HMGB1: variants seen among roughly 807,000 people sequenced by gnomAD.
HMGB1 encodes the protein high mobility group protein B1.
For missense variants in HMGB1, 79 were observed against 253.5 expected, an observed-to-expected ratio of 0.31 and a Z score of 4.67; for synonymous variants, 81 against 84.0, an observed-to-expected ratio of 0.96 and a Z score of 0.19.
chr13:30,538,464 TTC>T (rs1491215259), intron 1 of HMGB1, among the ~76,000 whole-genome samples: 2 of 65,764 alleles, frequency 3.0e-5, no homozygotes, highest in Non-Finnish European at 5.8e-5. Flanking sequence ...CTTTCTTTCT[TTC>T]TTTCTTTCTT....
chr13:30,499,181 G>A (rs1469927215), intron 1 of HMGB1, among the ~76,000 whole-genome samples: 1 of 152,086 alleles, frequency 6.6e-6, no homozygotes, highest in Non-Finnish European at 1.5e-5. Flanking sequence ...TCAAACTCCT[G>A]ACCTCAGGTG....
intron 1 of HMGB1, among the ~76,000 whole-genome samples, chr13:30,504,449 C>T (rs1407444178): frequency 6.6e-6 from 1 of 151,916 alleles, no homozygotes; most frequent in African/African-American, 2.4e-5. Context: ...TGCTTTTTTT[C>T]CCCCCAACAG....
intron 1 of HMGB1, among the ~76,000 whole-genome samples, chr13:30,585,351 C>T (rs1432503762): frequency 6.6e-6 from 1 of 151,786 alleles, no homozygotes; most frequent in Non-Finnish European, 1.5e-5. Flanking sequence ...AACAAACAAA[C>T]AAAAAAACCC....
intron 1 of HMGB1, among the ~76,000 whole-genome samples, chr13:30,505,806 T>C (rs1887851548): frequency 6.6e-6 from 1 of 152,152 alleles, no homozygotes; most frequent in Admixed American, 6.5e-5. Flanking sequence ...GAGCCAAGCA[T>C]GCTTTTTGGA....
chr13:30,598,766 T>G (rs1871726521), intron 1 of HMGB1, among the ~76,000 whole-genome samples: 1 of 152,204 alleles, frequency 6.6e-6, no homozygotes, highest in South Asian at 2.1e-4. Flanking sequence ...TTTCAAATGC[T>G]GGGTTGTGAA....
At chr13:30,564,507 T>A (rs1406507543) in intron 1 of HMGB1, among the ~76,000 whole-genome samples, 1 of 152,054 alleles carries the variant, frequency 6.6e-6, no homozygotes, top group Non-Finnish European at 1.5e-5. Context: ...CGCTGCCCTG[T>A]GCTTGGAGAG....
intron 1 of HMGB1, among the ~76,000 whole-genome samples, chr13:30,553,457 C>T (rs1869523709): frequency 6.6e-6 from 1 of 152,212 alleles, no homozygotes; most frequent in South Asian, 2.1e-4. Flanking sequence ...GCCTCACTCT[C>T]TTCACTTTAT....
chr13:30,507,007 A>G (rs1343687385), intron 1 of HMGB1, among the ~76,000 whole-genome samples: 2 of 152,200 alleles, frequency 1.3e-5, no homozygotes, highest in African/African-American at 2.4e-5. Context: ...CGATCCCTCC[A>G]AAGCAAAGCG....
intron 1 of HMGB1, among the ~76,000 whole-genome samples, chr13:30,500,631 T>C (rs1320528148): frequency 6.6e-6 from 1 of 151,082 alleles, no homozygotes; most frequent in African/African-American, 2.5e-5. Context: ...AACCTCTGCC[T>C]CCTGGGTTCA....
intron 1 of HMGB1, chr13:30,553,914 A>G (rs1869552170): frequency 7.1e-7 from 1 of 1,402,128 alleles, no homozygotes; most frequent in Non-Finnish European, 1.0e-6. Flanking sequence ...GGCACGAAGG[A>G]GTTACATCTT....
At position 30,456,762 on chromosome 13, in the gene HMGB1, G is replaced by GGC. The variant is rs1886000997; in HGVS notation, c.*4594_*4595insGC. ...GCATAAATAACAGCTTTTGTGGGCG[G>GGC]GGGGGGGGGGTGGTGGGGTGCAATT... On this transcript the variant is annotated 3_prime_UTR_variant, in exon 5 of 5. Transcript: ENST00000341423. 1.9e-5 allele frequency: 2 copies of GGC among 104,626 alleles called. No homozygotes were observed. Among genetic ancestry groups the GGC allele is most frequent in the Middle Eastern group, 8.8e-3 (2 of 228 alleles). The allele number at this position is 104,626 out of a possible 1,614,324, so 6.5% of individuals were successfully genotyped here. A position where few individuals can be genotyped will look rare whatever the true frequency, so the allele number is the denominator to read the frequency against.
intron 1 of HMGB1, chr13:30,554,276 G>A (rs1869572903): frequency 7.5e-7 from 1 of 1,334,382 alleles, no homozygotes; most frequent in South Asian, 1.2e-5. Flanking sequence ...GAGAGAATCT[G>A]GCTCCTTGAA....
chr13:30,558,247 C>T (rs2137521217), intron 1 of HMGB1, among the ~76,000 whole-genome samples: 2 of 152,236 alleles, frequency 1.3e-5, no homozygotes, highest in Middle Eastern at 6.8e-3. Flanking sequence ...CTTTGATCGC[C>T]TGATTTCATC....
intron 1 of HMGB1, among the ~76,000 whole-genome samples, chr13:30,515,015 G>A (rs1888072558): frequency 6.6e-6 from 1 of 152,174 alleles, no homozygotes; most frequent in Non-Finnish European, 1.5e-5. Flanking sequence ...AATGCTACAG[G>A]AGATTACCCA....
intron 1 of HMGB1, chr13:30,542,976 G>C (rs1447616493): frequency 1.3e-5 from 2 of 152,696 alleles, no homozygotes; most frequent in South Asian, 2.1e-4. Context: ...ATTCCTTTCC[G>C]CCAAGGTGCA....
At chr13:30,558,412 A>G (rs1869783211) in intron 1 of HMGB1, among the ~76,000 whole-genome samples, 1 of 152,262 alleles carries the variant, frequency 6.6e-6, no homozygotes, top group Non-Finnish European at 1.5e-5. Flanking sequence ...ATTCTTAGCC[A>G]AAAGTGTGGA....
At position 30,463,686 on chromosome 13, in the gene HMGB1, G is replaced by C. The variant is rs1445378270; in HGVS notation, c.-6C>G. On this transcript the variant is annotated 5_prime_UTR_variant, in exon 2 of 5. Transcript: ENST00000341423. The stretch of plus-strand genomic sequence containing the variant: ...TTAGGATCTCCTTTGCCCATGTTTA[G>C]TTATTTTTCTAAAAAATAAAATAAA... The C allele has an allele frequency of 6.5e-7, 1 of 1,538,132 alleles. No individual in the cohort carries two copies. Among genetic ancestry groups the C allele is most frequent in the Admixed American group, 2.0e-5 (1 of 49,556 alleles).
At chr13:30,500,118 T>C (rs1887700690) in intron 1 of HMGB1, among the ~76,000 whole-genome samples, 1 of 152,146 alleles carries the variant, frequency 6.6e-6, no homozygotes, top group Non-Finnish European at 1.5e-5. Flanking sequence ...AGCAGGTTGT[T>C]ATAAAAGCTA....
intron 1 of HMGB1, among the ~76,000 whole-genome samples, chr13:30,519,701 TA>T (rs11313834): frequency 0.68 from 101,077 of 148,318 alleles, 34,483 homozygotes; most frequent in Non-Finnish European, 0.74. Flanking sequence ...CTCCATCAAT[TA>T]AAAAAAAAAA....
Sources: allele counts gnomAD v4.1 joint callset (sites outside exome capture counted in the v4.1 genomes callset), GRCh38; gene constraint gnomAD v4.1.1; transcripts MANE v1.5; gene names NCBI Gene and HGNC (gene_info 2026-07-23, HGNC 2026-07-21).